The following TFAP2D variants were observed in gnomAD, a reference collection of about 807,000 sequenced individuals.
TFAP2D encodes the protein transcription factor AP-2 delta, also known as transcription factor AP-2-delta.
In TFAP2D, 9 loss-of-function variants were observed where a neutral mutation model predicts 43.6. The observed-to-expected ratio is 0.21, with a 90% CI of 0.12 to 0.36. The LOEUF (loss-of-function observed/expected upper bound fraction) is 0.36, where lower values mean the gene tolerates loss of function less well. Among genes scored for constraint, TFAP2D ranks in the 10% least tolerant of loss-of-function variants. TFAP2D has a pLI of 1.00. For synonymous variants in TFAP2D, 256 were observed against 224.9 expected (o/e 1.14, Z -1.24); for missense variants, 513 against 561.4 (o/e 0.91, Z 0.87).
At chr6:50,730,630 C>T (rs1395508351) in intron 5 of TFAP2D, among the ~76,000 whole-genome samples, 7 of 152,136 alleles carry the variant, frequency 4.6e-5, no homozygotes, top group Non-Finnish European at 8.8e-5. Context: ...AACAGTTGCT[C>T]AGGATAATAG....
intron 3 of TFAP2D, among the ~76,000 whole-genome samples, chr6:50,727,884 G>C (rs2114037203): frequency 1.3e-5 from 2 of 152,250 alleles, no homozygotes; most frequent in South Asian, 4.2e-4. Context: ...TGCAGTGGGG[G>C]AGGAATTGGA....
chr6:50,723,993 TC>T (rs1768769510), intron 3 of TFAP2D, among the ~76,000 whole-genome samples: 1 of 151,852 alleles, frequency 6.6e-6, no homozygotes, highest in Admixed American at 6.6e-5. Context: ...TGTTATACCC[TC>T]CCCCCAAACA....
intron 3 of TFAP2D, among the ~76,000 whole-genome samples, chr6:50,725,012 C>A (rs1450746797): frequency 1.3e-5 from 2 of 152,002 alleles, no homozygotes; most frequent in Non-Finnish European, 1.5e-5. Context: ...CCCAAAGTTG[C>A]GTGAGTCGAT....
chr6:50,715,026 A>C (rs1768592960), intron 1 of TFAP2D, 90 bp from the exon 2 acceptor site: 1 of 1,512,294 alleles, frequency 6.6e-7, no homozygotes, highest in Non-Finnish European at 8.9e-7. Context: ...GTGCCAGAGA[A>C]AGCTCCTGGC....
chr6:50,751,679 C>T lies in TFAP2D; in HGVS notation c.1139+355C>T, dbSNP rs1581773349. On this transcript the variant is annotated intron_variant, in intron 7 of 7. Coordinates refer to ENST00000008391, the MANE Select transcript of TFAP2D (RefSeq NM_172238.4). Reference sequence around the variant, plus strand: ...GGCACTAATCCTATTCATGAGGGTTCTGCCCTCATAAGCTAATCACCTCCT... The same window carrying T: ...GGCACTAATCCTATTCATGAGGGTTTTGCCCTCATAAGCTAATCACCTCCT... Among the ~76,000 whole-genome samples, 6 of 151,960 alleles carry T rather than the reference C, an allele frequency of 3.9e-5. No individual in the cohort carries two copies. In the South Asian group the frequency reaches 8.3e-4, roughly 21 times the overall value.
chr6:50,722,125 G>A (rs909635299), intron 3 of TFAP2D, among the ~76,000 whole-genome samples: 1 of 152,196 alleles, frequency 6.6e-6, no homozygotes, highest in Non-Finnish European at 1.5e-5. Context: ...GAAAGAGGGG[G>A]CAGCAGCTAG....
At chr6:50,735,676 T>C (rs1406230971) in intron 5 of TFAP2D, among the ~76,000 whole-genome samples, 1 of 152,128 alleles carries the variant, frequency 6.6e-6, no homozygotes, top group Admixed American at 6.6e-5. Flanking sequence ...TGGCCAAACT[T>C]CCAAAAGGCA....
At chr6:50,743,895 G>A (rs1769089140) in intron 5 of TFAP2D, among the ~76,000 whole-genome samples, 4 of 152,112 alleles carry the variant, frequency 2.6e-5, no homozygotes, top group Admixed American at 2.0e-4. Context: ...ACTTGTTGTT[G>A]TTGCTACTAT....
At chr6:50,747,413 T>A (rs1009014504) in intron 6 of TFAP2D, among the ~76,000 whole-genome samples, 1 of 152,142 alleles carries the variant, frequency 6.6e-6, no homozygotes, top group African/African-American at 2.4e-5. Flanking sequence ...CACATATCCA[T>A]GTGAATTTTA....
chr6:50,750,140 CT>C (rs1181070689), intron 6 of TFAP2D, among the ~76,000 whole-genome samples: 1 of 151,898 alleles, frequency 6.6e-6, no homozygotes, highest in Non-Finnish European at 1.5e-5. Context: ...TATTTTGTCA[CT>C]TTTTGGTAGT....
At position 50,745,243 on chromosome 6, in the gene TFAP2D, G is replaced by A. The variant is rs556599379; in HGVS notation, c.1020G>A (p.Ala340=). The A allele has an allele frequency of 2.1e-4, 346 of 1,613,328 alleles. 5 individuals are homozygous for A. The South Asian group carries it at 3.5e-3, about 16-fold the overall frequency. ...EQTARKKMIL[A]TKQICKEFQD... ...CAGCAAGAAAAAAGATGATCCTGGC[G>A]ACCAAGTAAGCAGAATGGGGAAACC... is the stretch of plus-strand genomic sequence containing the variant. The change falls in exon 6 of 8, where the codon GCG becomes GCA. Residue 340 remains alanine, a synonymous_variant. Coordinates refer to ENST00000008391, the MANE Select transcript of TFAP2D (RefSeq NM_172238.4).
chr6:50,761,564 C>A (rs550456329), intron 7 of TFAP2D, among the ~76,000 whole-genome samples: 1 of 151,892 alleles, frequency 6.6e-6, no homozygotes, highest in African/African-American at 2.4e-5. Flanking sequence ...GGATACCAGG[C>A]GCAACTCTTG....
At chr6:50,716,142 G>A (rs1250879419) in intron 2 of TFAP2D, among the ~76,000 whole-genome samples, 1 of 152,076 alleles carries the variant, frequency 6.6e-6, no homozygotes, top group Non-Finnish European at 1.5e-5. Flanking sequence ...GGAAATTGTT[G>A]GGACCCTAAG....
At chr6:50,715,090 C>G (rs1561929454) in intron 1 of TFAP2D, 26 bp from the exon 2 acceptor site, 1 of 1,598,396 alleles carries the variant, frequency 6.3e-7, no homozygotes, top group Non-Finnish European at 8.6e-7. Flanking sequence ...TTTTTCTGCT[C>G]TCCCTTTTCC....
chr6:50,740,352 A>G (rs1325246240), intron 5 of TFAP2D, among the ~76,000 whole-genome samples: 1 of 152,206 alleles, frequency 6.6e-6, no homozygotes, highest in African/African-American at 2.4e-5. Context: ...AGTAAAAATT[A>G]GTGTTAAATA....
chr6:50,771,879 A>G (rs1334946255), intron 7 of TFAP2D, among the ~76,000 whole-genome samples: 7 of 152,212 alleles, frequency 4.6e-5, no homozygotes, highest in African/African-American at 1.7e-4. Flanking sequence ...TGACCCAGCC[A>G]TCCTATTACT....
At chr6:50,719,644 A>C (rs1312732789) in intron 3 of TFAP2D, among the ~76,000 whole-genome samples, 1 of 152,202 alleles carries the variant, frequency 6.6e-6, no homozygotes, top group East Asian at 1.9e-4. Context: ...GATTCTGTGA[A>C]AGGCTAGATC....
intron 7 of TFAP2D, among the ~76,000 whole-genome samples, chr6:50,766,419 G>C (rs945619869): frequency 6.6e-6 from 1 of 152,022 alleles, no homozygotes; most frequent in Non-Finnish European, 1.5e-5. Context: ...AATTTTGGTA[G>C]GGGTTGCACT....
chr6:50,737,040 G>T (rs1768974536), intron 5 of TFAP2D, among the ~76,000 whole-genome samples: 1 of 152,062 alleles, frequency 6.6e-6, no homozygotes, highest in South Asian at 2.1e-4. Context: ...GAGTGTAGTG[G>T]CATGAACACA....
Sources: gnomAD v4.1 joint callset for allele counts (sites outside exome capture counted in the v4.1 genomes callset) on GRCh38, gnomAD v4.1.1 for gene constraint, MANE v1.5 for transcripts, NCBI Gene and HGNC (gene_info 2026-07-23, HGNC 2026-07-21) for gene names.